The following MTREX variants were observed in gnomAD, a reference collection of about 807,000 sequenced individuals.
MTREX encodes the protein exosome RNA helicase MTR4.
MTREX carries 76 observed loss-of-function variants against 135.4 expected under a neutral mutation model. That is an observed-to-expected ratio of 0.56 (90% CI 0.47 to 0.68). The LOEUF (loss-of-function observed/expected upper bound fraction) is 0.68, where lower values mean the gene tolerates loss of function less well. Among genes scored for constraint, MTREX ranks in the 30% least tolerant of loss-of-function variants. MTREX has a pLI of 0.00. For synonymous variants in MTREX, 404 were observed against 401.6 expected (o/e 1.01, Z -0.07); for missense variants, 920 against 1,262.1 (o/e 0.73, Z 4.11).
chr5:55,405,540 C>T lies in MTREX; in HGVS notation c.2597C>T (p.Ser866Phe), dbSNP rs1224425860. 1 of 1,613,742 alleles carries T rather than the reference C, an allele frequency of 6.2e-7. No individual in the cohort carries two copies. Among genetic ancestry groups the T allele is most frequent in the African/African-American group, 1.3e-5 (1 of 74,894 alleles). ...RVLRRLGFATSSDVIEMKGRV... is the reference protein window; with the variant it reads ...RVLRRLGFATFSDVIEMKGRV... ...TTAAGAAGGTTGGGATTTGCTACTT[C>T]TTCTGATGTAATAGAGATGAAAGGA... Residue 866 changes from serine (S) to phenylalanine (F), a missense_variant, in exon 22 of 27, where the codon TCT becomes TTT. Physicochemically the swap from Ser to Phe is radical, Grantham distance 155 (BLOSUM62 -2). Transcript: ENST00000230640.
At chr5:55,379,670 T>TTAAC (rs1750362800) in intron 18 of MTREX, among the ~76,000 whole-genome samples, 1 of 151,976 alleles carries the variant, frequency 6.6e-6, no homozygotes, top group African/African-American at 2.4e-5. Flanking sequence ...GGAGATGAGG[T>TTAAC]TAACTGGACA....
chr5:55,378,653 C>CT (rs1320041514), intron 17 of MTREX, among the ~76,000 whole-genome samples, 167 bp downstream of exon 17: 2 of 151,980 alleles, frequency 1.3e-5, no homozygotes, highest in African/African-American at 4.8e-5. Context: ...AACTTAGGGG[C>CT]TTATGCAAAG....
intron 5 of MTREX, among the ~76,000 whole-genome samples, chr5:55,332,954 TG>T (rs1749500868): frequency 6.6e-6 from 1 of 152,162 alleles, no homozygotes; most frequent in African/African-American, 2.4e-5. Context: ...TTCCGTCATC[TG>T]TCTCATTTTC....
chr5:55,375,059 A>G (rs1369303552), intron 16 of MTREX, among the ~76,000 whole-genome samples: 1 of 152,206 alleles, frequency 6.6e-6, no homozygotes, highest in African/African-American at 2.4e-5. Context: ...GTGTGTGAAT[A>G]GGTGTGGGTC....
intron 18 of MTREX, among the ~76,000 whole-genome samples, chr5:55,386,764 G>A (rs1750487698): frequency 1.3e-5 from 2 of 152,012 alleles, no homozygotes; most frequent in Non-Finnish European, 2.9e-5. Flanking sequence ...CGCCTGTGGG[G>A]TTTTTTTGTC....
intron 1 of MTREX, among the ~76,000 whole-genome samples, chr5:55,308,543 TAAC>T (rs1243902230): frequency 6.6e-6 from 1 of 152,094 alleles, no homozygotes; most frequent in Non-Finnish European, 1.5e-5. Context: ...GGGCAGATAA[TAAC>T]ATGAGAAGGG....
intron 14 of MTREX, among the ~76,000 whole-genome samples, chr5:55,354,206 A>T (rs568925272): frequency 4.1e-4 from 63 of 152,322 alleles, no homozygotes; most frequent in African/African-American, 1.5e-3. Flanking sequence ...ATACAATAAA[A>T]TGTTATGCTG....
At chr5:55,364,416 A>G (rs1193612928) in intron 15 of MTREX, among the ~76,000 whole-genome samples, 1 of 152,198 alleles carries the variant, frequency 6.6e-6, no homozygotes, top group Non-Finnish European at 1.5e-5. Flanking sequence ...CACTTCTGCT[A>G]TGATGTATTA....
Position 55,424,910 on chromosome 5 carries a change from G to T in MTREX, c.*138G>T, listed in dbSNP as rs1254450204. 1 of 662,666 alleles carries T rather than the reference G, an allele frequency of 1.5e-6. No individual in the cohort carries two copies. The highest frequency in any genetic ancestry group is 2.6e-6 in the Non-Finnish European group (1 of 388,446). The allele number at this position is 662,666 out of a possible 1,614,324, so 41.0% of individuals were successfully genotyped here. ...ATATTTAAATCAAACATCATTCATAGAAAGCATATTACATACATGTTTATA... is the reference window on the plus strand; with the variant it reads ...ATATTTAAATCAAACATCATTCATATAAAGCATATTACATACATGTTTATA... On this transcript the variant is annotated 3_prime_UTR_variant, in exon 27 of 27. Transcript: ENST00000230640.
At chr5:55,327,134 T>C (rs1233408675) in intron 3 of MTREX, among the ~76,000 whole-genome samples, 1 of 152,220 alleles carries the variant, frequency 6.6e-6, no homozygotes, top group Admixed American at 6.5e-5. Context: ...TCTTTGCTAT[T>C]GTGAATAGTG....
At chr5:55,380,011 C>CT (rs1469789450) in intron 18 of MTREX, among the ~76,000 whole-genome samples, 1 of 152,232 alleles carries the variant, frequency 6.6e-6, no homozygotes, top group African/African-American at 2.4e-5. Context: ...TCTCGGCTCA[C>CT]TGCAATCTCC....
chr5:55,425,047 A>G lies in MTREX; in HGVS notation c.*275A>G, dbSNP rs1007763465. 6.5e-5 allele frequency: 65 copies of G among 1,006,058 alleles called. No homozygotes were observed. Among genetic ancestry groups the G allele is most frequent in the Non-Finnish European group, 8.2e-5 (56 of 687,098 alleles). The allele number at this position is 1,006,058 out of a possible 1,614,324, so 62.3% of individuals were successfully genotyped here. A position where few individuals can be genotyped will look rare whatever the true frequency, so the allele number is the denominator to read the frequency against. On this transcript the variant is annotated 3_prime_UTR_variant, in exon 27 of 27. Coordinates refer to ENST00000230640, the MANE Select transcript of MTREX (RefSeq NM_015360.5). ...AGCTATTAGATAACCACTGAGTTAAAGGTAACTATGTACACACAAAGTGTG... is the reference window on the plus strand; with the variant it reads ...AGCTATTAGATAACCACTGAGTTAAGGGTAACTATGTACACACAAAGTGTG...
chr5:55,405,605 G>T lies in MTREX; in HGVS notation c.2645+17G>T. 6.5e-7 allele frequency: 1 copy of T among 1,543,438 alleles called. No individual in the cohort carries two copies. Among genetic ancestry groups the T allele is most frequent in the Non-Finnish European group, 8.7e-7 (1 of 1,144,836 alleles). On this transcript the variant is annotated intron_variant, in intron 22 of 26. Coordinates refer to ENST00000230640, the MANE Select transcript of MTREX (RefSeq NM_015360.5). The stretch of plus-strand genomic sequence containing the variant: ...GATAAGCAGGTAAAATCTGGTTATT[G>T]TTCTAGAAAGTTCATTTTTTTTTTC...
Position 55,405,496 on chromosome 5 carries a change from C to T in MTREX, c.2553C>T (p.Leu851=). 1 of 1,613,866 alleles carries T rather than the reference C, an allele frequency of 6.2e-7. No individual in the cohort carries two copies. Among genetic ancestry groups the T allele is most frequent in the Non-Finnish European group, 8.5e-7 (1 of 1,179,864 alleles). Residue 851 remains leucine (L), a synonymous_variant, in exon 22 of 27, where the codon CTC becomes CTT. Transcript: ENST00000230640. ...KARTVLQMDE[L]KCRKRVLRRL... ...GAACAGTCCTACAAATGGATGAACT[C>T]AAATGTCGCAAACGTGTTTTAAGAA...
At chr5:55,401,497 G>C (rs1423792670) in intron 21 of MTREX, among the ~76,000 whole-genome samples, 2 of 152,296 alleles carry the variant, frequency 1.3e-5, no homozygotes, top group African/African-American at 2.4e-5. Flanking sequence ...GAGTTCTCTT[G>C]AGTGGAATTA....
intron 24 of MTREX, among the ~76,000 whole-genome samples, chr5:55,415,122 G>A (rs990463817): frequency 1.3e-5 from 2 of 151,776 alleles, no homozygotes; most frequent in Non-Finnish European, 2.9e-5. Flanking sequence ...GGAATTACAA[G>A]AGAGGAACAA....
At chr5:55,372,983 TTA>T (rs928733286) in intron 16 of MTREX, among the ~76,000 whole-genome samples, 35 of 151,168 alleles carry the variant, frequency 2.3e-4, no homozygotes, top group Admixed American at 1.5e-3. Context: ...ATACCCTTTG[TTA>T]TATATAGTCT....
At chr5:55,340,501 A>G (rs1320410243) in intron 6 of MTREX, among the ~76,000 whole-genome samples, 2 of 152,264 alleles carry the variant, frequency 1.3e-5, no homozygotes, top group African/African-American at 2.4e-5. Flanking sequence ...AATATATAGT[A>G]ATAGTGACTC....
At chr5:55,412,431 G>GATA (rs1750897437) in intron 23 of MTREX, among the ~76,000 whole-genome samples, 4 of 152,192 alleles carry the variant, frequency 2.6e-5, no homozygotes, top group Non-Finnish European at 5.9e-5. Flanking sequence ...GCAGTGTACA[G>GATA]GTCTAAGCAC....
Sources: gnomAD v4.1 joint callset for allele counts (sites outside exome capture counted in the v4.1 genomes callset) on GRCh38, gnomAD v4.1.1 for gene constraint, MANE v1.5 for transcripts, NCBI Gene and HGNC (gene_info 2026-07-23, HGNC 2026-07-21) for gene names.